The following TRPM3 variants were observed in gnomAD, a reference collection of about 807,000 sequenced individuals.
The protein encoded by TRPM3 is long transient receptor potential channel 3.
In TRPM3, 77 loss-of-function variants were observed where a neutral mutation model predicts 181.2. The ratio of observed to expected loss-of-function variants is 0.42; its 90% CI spans 0.35 to 0.51. The LOEUF is 0.51. TRPM3 is among the 20% of genes least tolerant of loss of function. The pLI, the probability that TRPM3 is intolerant of heterozygous loss-of-function variation, is 0.01. For missense variants in TRPM3, 1,759 were observed against 2,196.7 expected (o/e 0.80, Z 3.98); for synonymous variants, 745 against 796.4 (o/e 0.94, Z 1.09).
At chr9:70,627,803 T>C (rs1229913343) in intron 12 of TRPM3, among the ~76,000 whole-genome samples, 1 of 152,142 alleles carries the variant, frequency 6.6e-6, no homozygotes, top group Non-Finnish European at 1.5e-5. Flanking sequence ...TGGCATCCAT[T>C]TGATGAGCTG....
At chr9:70,806,720 T>G (rs1483555936) in intron 6 of TRPM3, among the ~76,000 whole-genome samples, 5 of 142,336 alleles carry the variant, frequency 3.5e-5, no homozygotes, top group South Asian at 2.2e-4. Context: ...TAAAATAAAA[T>G]AAAAAGAAAA....
intron 9 of TRPM3, among the ~76,000 whole-genome samples, chr9:70,660,546 A>C (rs1291771098): frequency 1.3e-5 from 2 of 152,108 alleles, no homozygotes; most frequent in Non-Finnish European, 2.9e-5. Flanking sequence ...AACTCCTCAG[A>C]ACTTGCTAAG....
chr9:70,907,512 AG>A (rs566834719), intron 1 of TRPM3, among the ~76,000 whole-genome samples: 179 of 152,338 alleles, frequency 1.2e-3, no homozygotes, highest in Middle Eastern at 3.4e-3. Context: ...CAATTGCAAC[AG>A]CATAGATGCA....
At chr9:71,060,876 C>A (rs2061251567) in intron 1 of TRPM3, among the ~76,000 whole-genome samples, 3 of 152,026 alleles carry the variant, frequency 2.0e-5, no homozygotes, top group Non-Finnish European at 1.5e-5. Context: ...CTTATACTTA[C>A]CTGTGAGGGC....
At chr9:71,097,672 A>T (rs2067562491) in intron 1 of TRPM3, among the ~76,000 whole-genome samples, 1 of 152,094 alleles carries the variant, frequency 6.6e-6, no homozygotes, top group African/African-American at 2.4e-5. Flanking sequence ...TTTATGGCTT[A>T]AAAATAGCTA....
chr9:71,111,767 C>A (rs913435227), intron 1 of TRPM3, among the ~76,000 whole-genome samples: 11 of 152,184 alleles, frequency 7.2e-5, no homozygotes, highest in Non-Finnish European at 1.6e-4. Context: ...ATAGCTCATT[C>A]TTTCCAATAT....
chr9:70,648,240 G>A (rs1338112915), intron 9 of TRPM3, among the ~76,000 whole-genome samples: 2 of 152,140 alleles, frequency 1.3e-5, no homozygotes, highest in East Asian at 3.9e-4. Flanking sequence ...TTTGGGAGAT[G>A]GAGGCAGGAA....
chr9:71,370,035 T>G (rs558021952), intron 1 of TRPM3, among the ~76,000 whole-genome samples: 2 of 152,302 alleles, frequency 1.3e-5, no homozygotes, highest in South Asian at 4.2e-4. Flanking sequence ...ATGGTTTTGG[T>G]GTGCCACAAA....
chr9:71,317,676 T>C (rs1240033626), intron 1 of TRPM3, among the ~76,000 whole-genome samples: 1 of 86,886 alleles, frequency 1.2e-5, no homozygotes, highest in Non-Finnish European at 2.8e-5. Flanking sequence ...AATATATATA[T>C]ATACACACAC....
At chr9:70,687,022 C>T (rs985841976) in intron 8 of TRPM3, among the ~76,000 whole-genome samples, 4 of 151,770 alleles carry the variant, frequency 2.6e-5, no homozygotes, top group Non-Finnish European at 5.9e-5. Context: ...GGTTTCACCC[C>T]GGGCTCAAGT....
At chr9:70,783,039 G>A (rs2082801593) in intron 7 of TRPM3, among the ~76,000 whole-genome samples, 1 of 152,126 alleles carries the variant, frequency 6.6e-6, no homozygotes. Flanking sequence ...GGATGGGTAC[G>A]AGAGGGATGG....
At chr9:70,573,923 G>C (rs1341124361) in intron 22 of TRPM3, among the ~76,000 whole-genome samples, 1 of 150,336 alleles carries the variant, frequency 6.7e-6, no homozygotes, top group African/African-American at 2.4e-5. Context: ...AAGGGTTCTG[G>C]TAACCCTTGG....
intron 1 of TRPM3, chr9:70,917,095 C>G (rs148501649): frequency 1.2e-6 from 2 of 1,601,556 alleles, no homozygotes; most frequent in East Asian, 4.5e-5. Context: ...GGTCCACTTT[C>G]AGAGAGATGT....
intron 1 of TRPM3, among the ~76,000 whole-genome samples, chr9:70,972,349 G>T (rs2097255998): frequency 1.3e-5 from 2 of 152,146 alleles, no homozygotes; most frequent in South Asian, 4.1e-4. Context: ...CATCTATGTT[G>T]TCAGATAAAT....
intron 22 of TRPM3, among the ~76,000 whole-genome samples, chr9:70,580,235 A>G (rs143008559): frequency 6.6e-6 from 1 of 152,252 alleles, no homozygotes; most frequent in East Asian, 1.9e-4. Context: ...AGTGACACCT[A>G]TGCATCCCAT....
Position 70,784,153 on chromosome 9 carries a change from C to T in TRPM3, c.1100G>A (p.Arg367Gln), listed in dbSNP as rs768127060. The change falls in exon 7 of 26, where the codon CGG (arginine) becomes CAG (glutamine). Residue 367 changes from arginine to glutamine, a missense_variant. By Grantham distance (43) the Arg-to-Gln change is conservative. Around this residue, in one of 8 missense-constraint regions of TRPM3, gnomAD observed 737 missense variants for 957.4 expected, o/e 0.77. Coordinates refer to ENST00000677713, the MANE Select transcript of TRPM3 (RefSeq NM_001366145.2). ...VPVVVCDGSGRASDILAFGHK... is the reference protein window; with the variant it reads ...VPVVVCDGSGQASDILAFGHK... The stretch of plus-strand genomic sequence containing the variant: ...CCCAAAGGCCAGGATGTCCGATGCC[C>T]GTCCACTCCCATCACAGACAACCAC... The T allele has an allele frequency of 1.9e-6, 3 of 1,613,688 alleles. No homozygotes were observed. The highest frequency in any genetic ancestry group is 1.7e-5 in the Admixed American group (1 of 59,962).
At chr9:71,383,150 C>T (rs970472537) in intron 1 of TRPM3, among the ~76,000 whole-genome samples, 3 of 152,142 alleles carry the variant, frequency 2.0e-5, no homozygotes, top group Non-Finnish European at 4.4e-5. Flanking sequence ...TAACATTTTA[C>T]ACCAGCATTT....
At chr9:71,137,401 C>T (rs975132561) in intron 1 of TRPM3, among the ~76,000 whole-genome samples, 2 of 152,040 alleles carry the variant, frequency 1.3e-5, no homozygotes, top group South Asian at 2.1e-4. Flanking sequence ...AACTTAAGTA[C>T]GTAAGTCAAT....
At chr9:70,583,338 A>G (rs1421658785) in intron 22 of TRPM3, among the ~76,000 whole-genome samples, 1 of 152,238 alleles carries the variant, frequency 6.6e-6, no homozygotes, top group Non-Finnish European at 1.5e-5. Flanking sequence ...GGCTCAGGCT[A>G]CATGGTGTTT....
Sources: allele counts gnomAD v4.1 joint callset (sites outside exome capture counted in the v4.1 genomes callset), GRCh38; gene constraint gnomAD v4.1.1; regional missense constraint gnomAD v4.1.1; transcripts MANE v1.5; gene names NCBI Gene and HGNC (gene_info 2026-07-23, HGNC 2026-07-21).